Variants in DENND1A observed in about 807,000 individuals in gnomAD.
DENND1A encodes the protein DENN domain containing 1A.
Under a neutral mutation model 113.7 loss-of-function variants are expected in DENND1A, and 51 were observed. The ratio of observed to expected loss-of-function variants is 0.45; its 90% CI spans 0.36 to 0.57. The LOEUF (loss-of-function observed/expected upper bound fraction) is 0.57. DENND1A is among the 20% of genes least tolerant of loss of function. The pLI, the probability that DENND1A is intolerant of heterozygous loss-of-function variation, is 0.00. For synonymous variants in DENND1A, 565 were observed against 570.8 expected, an observed-to-expected ratio of 0.99 and a Z score of 0.14; for missense variants, 1,258 against 1,395.9, an observed-to-expected ratio of 0.90 and a Z score of 1.57.
intron 5 of DENND1A, among the ~76,000 whole-genome samples, chr9:123,748,173 A>G (rs1338859559): frequency 6.6e-6 from 1 of 152,226 alleles, no homozygotes; most frequent in Non-Finnish European, 1.5e-5. Context: ...AGAATATTTA[A>G]TGACATGTAA....
intron 13 of DENND1A, among the ~76,000 whole-genome samples, chr9:123,546,530 T>C (rs1224506040): frequency 1.7e-4 from 26 of 151,266 alleles, no homozygotes; most frequent in Admixed American, 5.9e-4. Context: ...CCAGCCTGGG[T>C]GACAGAGCGA....
At chr9:123,425,822 G>A (rs1452652756) in intron 19 of DENND1A, among the ~76,000 whole-genome samples, 1 of 152,242 alleles carries the variant, frequency 6.6e-6, no homozygotes, top group Non-Finnish European at 1.5e-5. Flanking sequence ...AAGGGAAGGC[G>A]ATGCCTGAGC....
chr9:123,411,826 G>T lies in DENND1A; in HGVS notation c.1492C>A (p.Gln498Lys). 1 of 985,888 alleles carries T rather than the reference G, an allele frequency of 1.0e-6. No homozygotes were observed. The highest frequency in any genetic ancestry group is 1.2e-6 in the Non-Finnish European group (1 of 830,006). The allele number at this position is 985,888 out of a possible 1,614,324, so 61.1% of individuals were successfully genotyped here. A position where few individuals can be genotyped will look rare whatever the true frequency, so the allele number is the denominator to read the frequency against. Residue 498 changes from glutamine (Q) to lysine (K), a missense_variant, in exon 20 of 24, where the codon CAG (glutamine) becomes AAG (lysine). Transcript: ENST00000394215. Reference sequence around the variant, plus strand: ...GGCGGTCGGGTGGGACGCAGTCTCTGCAGCTGCATTAAAGTGGAAACTTAC... The same window carrying T: ...GGCGGTCGGGTGGGACGCAGTCTCTTCAGCTGCATTAAAGTGGAAACTTAC... ...RPITVHFGQLQRLRPTRPPPK... is the reference protein window; with the variant it reads ...RPITVHFGQLKRLRPTRPPPK...
chr9:123,421,518 TA>T (rs2045303346), intron 19 of DENND1A, among the ~76,000 whole-genome samples: 1 of 152,164 alleles, frequency 6.6e-6, no homozygotes, highest in African/African-American at 2.4e-5. Flanking sequence ...TTTGTCCTGC[TA>T]AGTCTGTTCT....
chr9:123,827,026 C>G (rs1370157793), intron 2 of DENND1A, among the ~76,000 whole-genome samples: 1 of 151,788 alleles, frequency 6.6e-6, no homozygotes, highest in East Asian at 1.9e-4. Flanking sequence ...ATGTAGAGAG[C>G]TTAAAAAAAA....
intron 12 of DENND1A, among the ~76,000 whole-genome samples, chr9:123,564,934 T>G (rs1030401792): frequency 1.3e-5 from 2 of 151,658 alleles, no homozygotes; most frequent in East Asian, 3.9e-4. Context: ...CACACAACAA[T>G]GTATAATGAT....
chr9:123,455,664 C>A (rs989090398), intron 15 of DENND1A, among the ~76,000 whole-genome samples: 3 of 152,184 alleles, frequency 2.0e-5, no homozygotes, highest in Admixed American at 6.5e-5. Context: ...ATTGAAAGGA[C>A]CCTGCTGGAC....
At chr9:123,817,177 T>C (rs1393329995) in intron 2 of DENND1A, among the ~76,000 whole-genome samples, 1 of 152,042 alleles carries the variant, frequency 6.6e-6, no homozygotes, top group African/African-American at 2.4e-5. Context: ...AAAATATAAG[T>C]GAAAAGGGAC....
chr9:123,890,778 G>A (rs1339405909), intron 1 of DENND1A, among the ~76,000 whole-genome samples: 1 of 152,182 alleles, frequency 6.6e-6, no homozygotes, highest in East Asian at 1.9e-4. Context: ...AACCCAGAGA[G>A]TGTGGCTCTA....
At chr9:123,527,793 G>C (rs1156663788) in intron 13 of DENND1A, among the ~76,000 whole-genome samples, 1 of 152,124 alleles carries the variant, frequency 6.6e-6, no homozygotes, top group Admixed American at 6.5e-5. Flanking sequence ...ACAATGAATG[G>C]ATGAATGAAC....
intron 13 of DENND1A, among the ~76,000 whole-genome samples, chr9:123,506,354 T>A (rs919036251): frequency 6.6e-6 from 1 of 151,998 alleles, no homozygotes; most frequent in South Asian, 2.1e-4. Flanking sequence ...GTGGCCGAAG[T>A]GGGCGGATCA....
chr9:123,818,872 T>A (rs1044132360), intron 2 of DENND1A, among the ~76,000 whole-genome samples: 3 of 152,276 alleles, frequency 2.0e-5, no homozygotes, highest in South Asian at 4.2e-4. Context: ...AAGTGTCTTA[T>A]AAGGGACTGA....
chr9:123,495,183 T>TCTC (rs2051800022), intron 13 of DENND1A, among the ~76,000 whole-genome samples: 1 of 120,800 alleles, frequency 8.3e-6, no homozygotes, highest in Admixed American at 8.3e-5. Flanking sequence ...TAATGTCTGT[T>TCTC]TCCCTCACAG....
intron 1 of DENND1A, among the ~76,000 whole-genome samples, chr9:123,907,355 C>A (rs1340524545): frequency 6.6e-6 from 1 of 151,470 alleles, no homozygotes; most frequent in Non-Finnish European, 1.5e-5. Context: ...GAAGTTCTGG[C>A]CAGGGCAATT....
chr9:123,703,672 A>T (rs1358400198), intron 5 of DENND1A, among the ~76,000 whole-genome samples: 1 of 152,166 alleles, frequency 6.6e-6, no homozygotes, highest in Non-Finnish European at 1.5e-5. Flanking sequence ...AATGAATCTC[A>T]AAAATGCTAC....
intron 13 of DENND1A, among the ~76,000 whole-genome samples, chr9:123,548,541 T>A (rs1774386712): frequency 6.6e-6 from 1 of 152,230 alleles, no homozygotes; most frequent in African/African-American, 2.4e-5. Flanking sequence ...AATTACCAGA[T>A]GACCCACAAC....
chr9:123,424,515 G>A (rs758521107), intron 19 of DENND1A, among the ~76,000 whole-genome samples: 4 of 152,168 alleles, frequency 2.6e-5, no homozygotes, highest in Admixed American at 2.6e-4. Context: ...GATCATCAGT[G>A]GTCTCTCTGC....
At chr9:123,730,790 TAA>T (rs2068104398) in intron 5 of DENND1A, among the ~76,000 whole-genome samples, 1 of 152,130 alleles carries the variant, frequency 6.6e-6, no homozygotes, top group East Asian at 1.9e-4. Flanking sequence ...CATTCTACTA[TAA>T]AGACACATGC....
At chr9:123,386,464 C>T (rs528628723) in intron 22 of DENND1A, among the ~76,000 whole-genome samples, 158 of 149,484 alleles carry the variant, frequency 1.1e-3, no homozygotes, top group African/African-American at 3.8e-3. Flanking sequence ...TCACTGCAAC[C>T]TCCGCCTCCC....
Sources: gnomAD v4.1 joint callset for allele counts (sites outside exome capture counted in the v4.1 genomes callset) on GRCh38, gnomAD v4.1.1 for gene constraint, MANE v1.5 for transcripts, NCBI Gene and HGNC (gene_info 2026-07-23, HGNC 2026-07-21) for gene names.